NFATC3: variants seen among roughly 807,000 people sequenced by gnomAD.
The protein encoded by NFATC3 is nuclear factor of activated T-cells, cytoplasmic 3.
In NFATC3, 46 loss-of-function variants were observed where a neutral mutation model predicts 98.6. That is an observed-to-expected ratio of 0.47 (90% confidence interval 0.37 to 0.60). NFATC3 has a LOEUF of 0.60. Among genes scored for constraint, NFATC3 ranks in the 20% least tolerant of loss-of-function variants. NFATC3 has a pLI of 0.00. For synonymous variants in NFATC3, 512 were observed against 472.2 expected, an observed-to-expected ratio of 1.08 and a Z score of -1.09; for missense variants, 1,256 against 1,295.5, an observed-to-expected ratio of 0.97 and a Z score of 0.47.
At chr16:68,128,599 AAAC>A (rs2036959458) in intron 3 of NFATC3, among the ~76,000 whole-genome samples, 1 of 152,156 alleles carries the variant, frequency 6.6e-6, no homozygotes, top group African/African-American at 2.4e-5. Context: ...CAAAAGAAAA[AAAC>A]AACGTTAAAA....
chr16:68,134,975 TAC>T (rs1164863768), intron 3 of NFATC3, among the ~76,000 whole-genome samples: 2 of 151,014 alleles, frequency 1.3e-5, no homozygotes, highest in African/African-American at 4.8e-5. Flanking sequence ...ATTGGACTGA[TAC>T]AGTCTCTTTT....
intron 1 of NFATC3, among the ~76,000 whole-genome samples, chr16:68,113,978 G>A (rs1026805158): frequency 6.6e-6 from 1 of 152,118 alleles, no homozygotes; most frequent in Admixed American, 6.5e-5. Context: ...GCCCCTTTCC[G>A]TGGGAACTTG....
At chr16:68,162,811 A>G (rs906028301) in intron 4 of NFATC3, among the ~76,000 whole-genome samples, 8 of 151,684 alleles carry the variant, frequency 5.3e-5, no homozygotes, top group East Asian at 1.9e-4. Context: ...TGGCAGGGTC[A>G]TAGGACAATA....
rs140994428 is a variant in NFATC3 at position 68,151,695 on chromosome 16, C to T, written c.1402-6174C>T. ...CCCACTTATCATGTTGACAACTAAA[C>T]GCATCTTCACAACATTTAAAAAATG... On this transcript the variant is annotated intron_variant, in intron 3 of 9. Coordinates refer to ENST00000346183, the MANE Select transcript of NFATC3 (RefSeq NM_173165.3). 2.5e-4 allele frequency among the ~76,000 whole-genome samples: 38 copies of T among 152,218 alleles called. No individual in the cohort carries two copies. In the East Asian group the frequency reaches 5.8e-3, roughly 23 times the overall value.
At chr16:68,145,856 A>G (rs1403907151) in intron 3 of NFATC3, among the ~76,000 whole-genome samples, 2 of 152,202 alleles carry the variant, frequency 1.3e-5, no homozygotes, top group African/African-American at 2.4e-5. Context: ...CAACTGAATA[A>G]GACCTGTAGT....
chr16:68,195,329 C>T (rs985932350), intron 9 of NFATC3, among the ~76,000 whole-genome samples: 1 of 152,140 alleles, frequency 6.6e-6, no homozygotes, highest in Non-Finnish European at 1.5e-5. Flanking sequence ...CTCATTGCCA[C>T]CCCTCAGGGG....
At chr16:68,095,617 G>T (rs922378184) in intron 1 of NFATC3, among the ~76,000 whole-genome samples, 6 of 152,180 alleles carry the variant, frequency 3.9e-5, no homozygotes, top group African/African-American at 1.4e-4. Flanking sequence ...GCCTCCCAAA[G>T]TGCTGGGATT....
chr16:68,209,082 G>T (rs762019628), intron 9 of NFATC3, among the ~76,000 whole-genome samples: 3 of 152,164 alleles, frequency 2.0e-5, no homozygotes, highest in Non-Finnish European at 4.4e-5. Flanking sequence ...ATCTTAGGGG[G>T]AAAGCTTTTG....
At chr16:68,209,628 T>C in intron 9 of NFATC3, 2 of 396,240 alleles carry the variant, frequency 5.0e-6, no homozygotes, top group South Asian at 4.0e-5. Context: ...GTGATGAGCC[T>C]ATGTCAAGTT....
chr16:68,224,102 C>T (rs750820323), intron 9 of NFATC3, among the ~76,000 whole-genome samples: 1 of 142,280 alleles, frequency 7.0e-6, no homozygotes, highest in Non-Finnish European at 1.5e-5. Context: ...AAAAATTAGC[C>T]GGACACGGTG....
chr16:68,153,407 G>A (rs990755373), intron 3 of NFATC3, among the ~76,000 whole-genome samples: 2 of 152,114 alleles, frequency 1.3e-5, no homozygotes, highest in Non-Finnish European at 2.9e-5. Flanking sequence ...GGGTGACAGA[G>A]TGAGACTCCA....
In NFATC3 at chr16:68,124,722, C is replaced by T. The variant is rs571248375; in HGVS notation, c.1238+1601C>T. ...TGCTGGGATTACAGGCGTGAGCCAC[C>T]GCACCCACCCGGCCTTCTCTTTTTT... On this transcript the variant is annotated intron_variant, in intron 2 of 9. Coordinates refer to ENST00000346183, the MANE Select transcript of NFATC3 (RefSeq NM_173165.3). Among the ~76,000 whole-genome samples, 1,047 of 137,534 alleles carry T rather than the reference C, an allele frequency of 7.6e-3. 17 individuals are homozygous for T. Among genetic ancestry groups the T allele is most frequent in the African/African-American group, 0.026 (973 of 36,830 alleles). 90.2% of individuals were successfully genotyped at this position (137,534 alleles called of 152,430 possible).
At chr16:68,098,547 G>C (rs1321059615) in intron 1 of NFATC3, among the ~76,000 whole-genome samples, 3 of 151,960 alleles carry the variant, frequency 2.0e-5, no homozygotes, top group Non-Finnish European at 4.4e-5. Flanking sequence ...TGATCCACCC[G>C]CCTCAGCGTC....
rs991374622 is a variant in NFATC3, at chr16:68,171,852, G to A, written c.1775-2522G>A. On this transcript the variant is annotated intron_variant, in intron 5 of 9. Coordinates refer to ENST00000346183, the MANE Select transcript of NFATC3 (RefSeq NM_173165.3). ...GCCCAGGGGTGGAGTGCAGTGGCGCGATCTCGGCTTACTGCAACCTCCGCC... is the reference window on the plus strand; with the variant it reads ...GCCCAGGGGTGGAGTGCAGTGGCGCAATCTCGGCTTACTGCAACCTCCGCC... Among the ~76,000 whole-genome samples, 8 of 151,704 alleles carry A rather than the reference G, an allele frequency of 5.3e-5. 1 individual carries two copies. Among genetic ancestry groups the A allele is most frequent in the Non-Finnish European group, 2.9e-5 (2 of 67,960 alleles).
At chr16:68,143,209 T>TAAAAAAAAAAAAAAAAAAAAAAGAA (rs5817630) in intron 3 of NFATC3, among the ~76,000 whole-genome samples, 2 of 49,772 alleles carry the variant, frequency 4.0e-5, no homozygotes, top group Non-Finnish European at 4.8e-5. Context: ...AAGACCATGC[T>TAAAAAAAAAAAAAAAAAAAAAAGAA]AAAAAAAAAA....
intron 3 of NFATC3, among the ~76,000 whole-genome samples, chr16:68,139,402 A>G (rs2037624987): frequency 6.6e-6 from 1 of 152,218 alleles, no homozygotes; most frequent in South Asian, 2.1e-4. Flanking sequence ...TTCAACACTG[A>G]TGAAGAGTAT....
At chr16:68,221,407 C>T in intron 9 of NFATC3, 1 of 1,470,044 alleles carries the variant, frequency 6.8e-7, no homozygotes, top group Non-Finnish European at 9.0e-7. Flanking sequence ...CACTTTGTTG[C>T]AGTTCTGACT....
intron 3 of NFATC3, among the ~76,000 whole-genome samples, chr16:68,143,934 G>T (rs529611801): frequency 6.6e-6 from 1 of 152,060 alleles, no homozygotes; most frequent in Non-Finnish European, 1.5e-5. Flanking sequence ...AAGATCTCAG[G>T]CTAAGCAAAG....
In NFATC3 at chr16:68,112,645, C is replaced by CTTTTT. The variant is rs1567503218; in HGVS notation, c.104-9342_104-9341insTTTTT. Among the ~76,000 whole-genome samples, 125 of 119,216 alleles carry CTTTTT rather than the reference C, an allele frequency of 1.0e-3. 2 individuals are homozygous for CTTTTT. The highest frequency in any genetic ancestry group is 2.7e-3 in the African/African-American group (81 of 29,780). 78.2% of individuals were successfully genotyped at this position (119,216 alleles called of 152,430 possible). On this transcript the variant is annotated intron_variant, in intron 1 of 9. Transcript: ENST00000346183. ...TCATTTCTTTTCATTTTTTCTTTTT[C>CTTTTT]GTTTTTTTTTTTTTTTTTTTTTTTG... is the stretch of plus-strand genomic sequence containing the variant.
Sources: allele counts gnomAD v4.1 joint callset (sites outside exome capture counted in the v4.1 genomes callset), GRCh38; gene constraint gnomAD v4.1.1; transcripts MANE v1.5; gene names NCBI Gene and HGNC (gene_info 2026-07-23, HGNC 2026-07-21).